Variants in SDK1 observed in about 807,000 individuals in gnomAD.
SDK1 encodes the protein sidekick cell adhesion molecule 1.
A neutral mutation model predicts 245.5 loss-of-function variants in SDK1; 157 were observed. The ratio of observed to expected loss-of-function variants is 0.64; its 90% CI spans 0.56 to 0.73. The LOEUF (loss-of-function observed/expected upper bound fraction) is 0.73. Ranked by LOEUF, SDK1 falls within the 30% of genes least tolerant of loss-of-function variation. SDK1 has a pLI of 0.00. For missense variants in SDK1, 3,583 were observed against 3,002.3 expected (o/e 1.19, Z -4.52); for synonymous variants, 1,647 against 1,278.5 (o/e 1.29, Z -6.15).
At chr7:4,020,404 T>G (rs1394323866) in intron 17 of SDK1, among the ~76,000 whole-genome samples, 3 of 152,130 alleles carry the variant, frequency 2.0e-5, no homozygotes, top group African/African-American at 7.2e-5. Context: ...CTGAACAGAA[T>G]GAAGCGAGCG....
chr7:3,334,526 C>T (rs368902433), intron 1 of SDK1, among the ~76,000 whole-genome samples: 9 of 152,148 alleles, frequency 5.9e-5, no homozygotes, highest in South Asian at 4.2e-4. Flanking sequence ...CTGAGGCTCT[C>T]GGAGGTGGAT....
At chr7:3,500,832 T>A (rs949860383) in intron 1 of SDK1, among the ~76,000 whole-genome samples, 1 of 152,070 alleles carries the variant, frequency 6.6e-6, no homozygotes, top group Admixed American at 6.6e-5. Context: ...TCATTTTTTA[T>A]TTTTTGACAT....
chr7:3,671,709 T>C lies in SDK1; in HGVS notation c.713+29604T>C, dbSNP rs566238960. Among the ~76,000 whole-genome samples the C allele has an allele frequency of 2.6e-5, 4 of 152,158 alleles. 1 individual carries two copies. The Middle Eastern group carries it at 0.014, about 518-fold the overall frequency. ...GTAGATGTTGTCATTCAGTACAAAATAATCCCTGAGACAGTCTCATGAAAA... is the reference window on the plus strand; with the variant it reads ...GTAGATGTTGTCATTCAGTACAAAACAATCCCTGAGACAGTCTCATGAAAA... On this transcript the variant is annotated intron_variant, in intron 4 of 44. Transcript: ENST00000404826.
chr7:4,034,011 C>T (rs1788034570), intron 17 of SDK1, among the ~76,000 whole-genome samples: 2 of 152,170 alleles, frequency 1.3e-5, no homozygotes, highest in African/African-American at 4.8e-5. Flanking sequence ...TGAGTGGTTG[C>T]AGTTAGCACC....
chr7:3,748,151 G>A (rs766115894), intron 4 of SDK1, among the ~76,000 whole-genome samples: 3 of 151,982 alleles, frequency 2.0e-5, no homozygotes, highest in East Asian at 1.9e-4. Flanking sequence ...AATATTAAAC[G>A]TTGAAAGCAG....
At chr7:3,567,733 C>T (rs944822346) in intron 1 of SDK1, among the ~76,000 whole-genome samples, 14 of 152,186 alleles carry the variant, frequency 9.2e-5, no homozygotes, top group Non-Finnish European at 1.0e-4. Flanking sequence ...TTGAGACAGG[C>T]TAGAGGGCTG....
At chr7:3,533,635 T>A (rs1562545027) in intron 1 of SDK1, among the ~76,000 whole-genome samples, 1 of 152,180 alleles carries the variant, frequency 6.6e-6, no homozygotes, top group Non-Finnish European at 1.5e-5. Context: ...CTGAGAAGTT[T>A]TTTTGGTATT....
At chr7:4,166,973 C>T (rs993356346) in intron 32 of SDK1, among the ~76,000 whole-genome samples, 1 of 152,184 alleles carries the variant, frequency 6.6e-6, no homozygotes, top group Non-Finnish European at 1.5e-5. Flanking sequence ...CTCCTACCCC[C>T]AGGCCTTCCC....
intron 4 of SDK1, among the ~76,000 whole-genome samples, chr7:3,777,603 A>C (rs914213169): frequency 2.0e-5 from 3 of 152,188 alleles, no homozygotes; most frequent in Non-Finnish European, 4.4e-5. Flanking sequence ...CCCTCTGCCA[A>C]CAGTGTCCCC....
intron 1 of SDK1, among the ~76,000 whole-genome samples, chr7:3,510,799 G>A (rs1240144439): frequency 6.6e-6 from 1 of 152,180 alleles, no homozygotes; most frequent in East Asian, 1.9e-4. Flanking sequence ...GACAGGCCTG[G>A]ATACGTTCAT....
intron 5 of SDK1, among the ~76,000 whole-genome samples, chr7:3,925,442 G>A (rs1427330589): frequency 6.6e-6 from 1 of 152,236 alleles, no homozygotes; most frequent in Non-Finnish European, 1.5e-5. Context: ...GGGCAAAAGC[G>A]ACGGCGTTTC....
chr7:3,394,319 T>G (rs1781837499), intron 1 of SDK1, among the ~76,000 whole-genome samples: 1 of 152,164 alleles, frequency 6.6e-6, no homozygotes, highest in African/African-American at 2.4e-5. Context: ...TGTATTGCCT[T>G]GGCATGTTTG....
At chr7:3,709,736 T>C (rs1320099421) in intron 4 of SDK1, among the ~76,000 whole-genome samples, 2 of 152,248 alleles carry the variant, frequency 1.3e-5, no homozygotes, top group African/African-American at 4.8e-5. Context: ...AAAATCCTTT[T>C]CTTGAAATTG....
rs375151156 is a variant in SDK1 at position 3,519,683 on chromosome 7, C to T, written c.299-99397C>T. ...TCTGTCTCTGTTACATCCAGAGATA[C>T]GCATAAAAAATATGTAGAGGATTAG... On this transcript the variant is annotated intron_variant, in intron 1 of 44. Transcript: ENST00000404826. 2.8e-3 allele frequency among the ~76,000 whole-genome samples: 427 copies of T among 152,052 alleles called. 2 individuals carry two copies. Among genetic ancestry groups the T allele is most frequent in the South Asian group, 7.1e-3 (34 of 4,812 alleles).
chr7:3,634,577 A>G (rs957090797), intron 2 of SDK1, among the ~76,000 whole-genome samples: 2 of 152,226 alleles, frequency 1.3e-5, no homozygotes, highest in Admixed American at 6.5e-5. Flanking sequence ...CTTTAGTGGC[A>G]TATGGTGCTA....
intron 19 of SDK1, among the ~76,000 whole-genome samples, chr7:4,067,483 C>T (rs774653594): frequency 2.6e-5 from 4 of 152,202 alleles, no homozygotes; most frequent in Admixed American, 6.5e-5. Context: ...GGGTTGCATA[C>T]ACCATGGAGG....
At chr7:3,365,757 G>A (rs913908828) in intron 1 of SDK1, among the ~76,000 whole-genome samples, 9 of 152,048 alleles carry the variant, frequency 5.9e-5, no homozygotes, top group African/African-American at 2.2e-4. Flanking sequence ...TCCAGGCTGG[G>A]CGTGGTGGCT....
At chr7:4,123,187 A>G (rs1784178615) in intron 25 of SDK1, among the ~76,000 whole-genome samples, 1 of 152,188 alleles carries the variant, frequency 6.6e-6, no homozygotes, top group Admixed American at 6.5e-5. Context: ...ACAGAAGTAG[A>G]CCATTTGTGT....
intron 14 of SDK1, among the ~76,000 whole-genome samples, chr7:4,008,058 C>T (rs1231397668): frequency 1.3e-5 from 2 of 152,206 alleles, no homozygotes; most frequent in Non-Finnish European, 2.9e-5. Flanking sequence ...TAAACAGTCG[C>T]TCCCCGTTGC....
Sources: gnomAD v4.1 joint callset for allele counts (sites outside exome capture counted in the v4.1 genomes callset) on GRCh38, gnomAD v4.1.1 for gene constraint, MANE v1.5 for transcripts, NCBI Gene and HGNC (gene_info 2026-07-23, HGNC 2026-07-21) for gene names.